Variants in SGSM1 observed in about 807,000 individuals in gnomAD.
SGSM1 encodes RUN and TBC1 domain containing 2.
Under a neutral mutation model 133.8 loss-of-function variants are expected in SGSM1, and 73 were observed. The observed-to-expected ratio is 0.55, with a 90% CI of 0.45 to 0.66. SGSM1 has a LOEUF of 0.66. Ranked by LOEUF, SGSM1 falls within the 30% of genes least tolerant of loss-of-function variation. The pLI, the probability that SGSM1 is intolerant of heterozygous loss-of-function variation, is 0.00. For synonymous variants in SGSM1, 563 were observed against 573.0 expected, an observed-to-expected ratio of 0.98 and a Z score of 0.25; for missense variants, 1,213 against 1,448.1, an observed-to-expected ratio of 0.84 and a Z score of 2.64.
chr22:24,925,957 A>T lies in SGSM1; in HGVS notation c.*1683A>T, dbSNP rs1231858900. 6.6e-6 allele frequency: 1 copy of T among 152,192 alleles called. No homozygotes were observed. Among genetic ancestry groups the T allele is most frequent in the Non-Finnish European group, 1.5e-5 (1 of 68,080 alleles). 9.4% of individuals were successfully genotyped at this position (152,192 alleles called of 1,614,324 possible). A position where few individuals can be genotyped will look rare whatever the true frequency, so the allele number is the denominator to read the frequency against. ...GTCTTTCCCGCTCTTCTGTTCTGAG[A>T]ATGCACCCGGAATGGGGGAAACCCA... On this transcript the variant is annotated 3_prime_UTR_variant, in exon 25 of 25. Transcript: ENST00000400358.
In SGSM1 at chr22:24,868,902, C is replaced by T. The variant is rs192088825; in HGVS notation, c.1291+47C>T. 499 of 1,595,690 alleles carry T rather than the reference C, an allele frequency of 3.1e-4. 1 individual carries two copies. Among genetic ancestry groups the T allele is most frequent in the Middle Eastern group, 1.7e-3 (8 of 4,840 alleles). Reference sequence around the variant, plus strand: ...CCCGGGGAGTCACCTGCTAACTGATCCTGAAAATGACTCCAGGTGTTTGAA... The same window carrying T: ...CCCGGGGAGTCACCTGCTAACTGATTCTGAAAATGACTCCAGGTGTTTGAA... On this transcript the variant is annotated intron_variant, in intron 12 of 24. Transcript: ENST00000400358.
chr22:24,847,666 C>T lies in SGSM1; in HGVS notation c.172C>T (p.Arg58Trp), dbSNP rs752783707. 1.2e-5 allele frequency: 19 copies of T among 1,613,586 alleles called. No homozygotes were observed. The highest frequency in any genetic ancestry group is 2.2e-5 in the East Asian group (1 of 44,892). ...GGAGGCCTGCGTTCTGCACGGGCTTCGGCGGCGGGCGGCTGGCTTCCTACG... is the reference window on the plus strand; with the variant it reads ...GGAGGCCTGCGTTCTGCACGGGCTTTGGCGGCGGGCGGCTGGCTTCCTACG... Reference protein sequence around the residue: ...AVEACVLHGLRRRAAGFLRSN... With the variant: ...AVEACVLHGLWRRAAGFLRSN... The change falls in exon 4 of 25, where the codon CGG (arginine) becomes TGG (tryptophan). Residue 58 changes from arginine (R) to tryptophan (W), a missense_variant. Coordinates refer to ENST00000400358, the MANE Select transcript of SGSM1 (RefSeq NM_001098497.3).
chr22:24,831,486 G>A (rs1929117727), intron 2 of SGSM1, among the ~76,000 whole-genome samples: 1 of 152,170 alleles, frequency 6.6e-6, no homozygotes, highest in South Asian at 2.1e-4. Flanking sequence ...GTCCCCCATG[G>A]GGCTGACAGC....
At chr22:24,878,912 C>T (rs977806666) in intron 13 of SGSM1, among the ~76,000 whole-genome samples, 2 of 152,226 alleles carry the variant, frequency 1.3e-5, no homozygotes, top group African/African-American at 4.8e-5. Context: ...CTTAGAGGCA[C>T]AGTGGCTTCA....
chr22:24,841,190 C>A (rs1292934945), intron 2 of SGSM1, among the ~76,000 whole-genome samples: 2 of 152,184 alleles, frequency 1.3e-5, no homozygotes, highest in African/African-American at 4.8e-5. Context: ...TTTCTAATTT[C>A]CCTTGAGATT....
chr22:24,851,124 A>G (rs1430229959), intron 5 of SGSM1, among the ~76,000 whole-genome samples: 2 of 151,726 alleles, frequency 1.3e-5, no homozygotes, highest in African/African-American at 2.4e-5. Context: ...AAAAAAGAAA[A>G]AAAGAAAATG....
At chr22:24,907,228 C>G (rs551595099) in intron 21 of SGSM1, among the ~76,000 whole-genome samples, 2 of 151,366 alleles carry the variant, frequency 1.3e-5, no homozygotes, top group East Asian at 3.9e-4. Context: ...CCATTACACT[C>G]CAGCCTGGGT....
Position 24,895,141 on chromosome 22 carries a change from T to C in SGSM1, c.1954-82T>C. 2.2e-6 allele frequency: 3 copies of C among 1,392,394 alleles called. No homozygotes were observed. In the South Asian group the frequency reaches 3.7e-5, roughly 17 times the overall value. 86.3% of individuals were successfully genotyped at this position (1,392,394 alleles called of 1,614,324 possible). On this transcript the variant is annotated intron_variant, in intron 17 of 24. Coordinates refer to ENST00000400358, the MANE Select transcript of SGSM1 (RefSeq NM_001098497.3). ...GGAATAGAGATGCAACTAGACTTTCTGGCTCCCAGCCCAGCAGTCCTTCCT... is the reference window on the plus strand; with the variant it reads ...GGAATAGAGATGCAACTAGACTTTCCGGCTCCCAGCCCAGCAGTCCTTCCT...
At chr22:24,822,743 A>G (rs1174906789) in intron 2 of SGSM1, among the ~76,000 whole-genome samples, 1 of 152,172 alleles carries the variant, frequency 6.6e-6, no homozygotes. Context: ...CAGAGGGCTA[A>G]GGGAGCAGGT....
At chr22:24,822,243 A>C (rs939178415) in intron 2 of SGSM1, among the ~76,000 whole-genome samples, 2 of 151,778 alleles carry the variant, frequency 1.3e-5, no homozygotes, top group African/African-American at 4.8e-5. Context: ...GGTGCCCGCC[A>C]CCACGCCCGG....
intron 24 of SGSM1, among the ~76,000 whole-genome samples, chr22:24,923,922 G>A (rs781767618): frequency 3.3e-5 from 5 of 152,000 alleles, no homozygotes; most frequent in Admixed American, 6.6e-5. Flanking sequence ...ATGCCCGGCC[G>A]ACCTCACCTT....
chr22:24,859,156 A>T lies in SGSM1; in HGVS notation c.802-560A>T, dbSNP rs1930978515. On this transcript the variant is annotated intron_variant, in intron 8 of 24. Transcript: ENST00000400358. ...GGGTGAATTTGATGGAGGGGTGGTG[A>T]CATCACCCTCCCCACACACCCACCT... Among the ~76,000 whole-genome samples, 7 of 152,290 alleles carry T rather than the reference A, an allele frequency of 4.6e-5. No individual in the cohort carries two copies. In the South Asian group the frequency reaches 1.5e-3, roughly 32 times the overall value.
In SGSM1 at chr22:24,837,048, G is replaced by A. The variant is rs1053111517; in HGVS notation, c.64-7849G>A. Among the ~76,000 whole-genome samples the A allele has an allele frequency of 3.9e-5, 6 of 152,270 alleles. No individual in the cohort carries two copies. The East Asian group carries it at 5.8e-4, about 15-fold the overall frequency. The stretch of plus-strand genomic sequence containing the variant: ...GGTCGGTGGGTCTCTCCCTGTGTGC[G>A]GCAACAAGAGAGTGTAGAAATAAAG... On this transcript the variant is annotated intron_variant, in intron 2 of 24. Coordinates refer to ENST00000400358, the MANE Select transcript of SGSM1 (RefSeq NM_001098497.3).
In SGSM1 at chr22:24,879,514, G is replaced by T; in HGVS notation, c.1483G>T (p.Ala495Ser). Reference protein sequence around the residue: ...DNMKYQILSRAFYGWLAYCRH... With the variant: ...DNMKYQILSRSFYGWLAYCRH... ...TATGAAGTACCAGATCCTCTCCAGAGCCTTCTATGGATGTACGTATAGGGC... is the reference window on the plus strand; with the variant it reads ...TATGAAGTACCAGATCCTCTCCAGATCCTTCTATGGATGTACGTATAGGGC... The change falls in exon 14 of 25, where the codon GCC becomes TCC. Residue 495 changes from alanine to serine, a missense_variant. Coordinates refer to ENST00000400358, the MANE Select transcript of SGSM1 (RefSeq NM_001098497.3). 6.2e-7 allele frequency: 1 copy of T among 1,613,606 alleles called. No homozygotes were observed. The highest frequency in any genetic ancestry group is 1.7e-5 in the Admixed American group (1 of 59,988).
At chr22:24,876,554 G>T (rs367723925) in intron 12 of SGSM1, 23 bp from the exon 13 acceptor site, 75 of 1,613,506 alleles carry the variant, frequency 4.6e-5, no homozygotes, top group Non-Finnish European at 6.3e-5. Context: ...TGATTCTTCT[G>T]CCCCTCCTTC....
intron 22 of SGSM1, among the ~76,000 whole-genome samples, chr22:24,913,156 G>A (rs1016459870): frequency 4.6e-5 from 7 of 151,990 alleles, no homozygotes; most frequent in African/African-American, 1.7e-4. Flanking sequence ...AGCAGGGCAT[G>A]GAGGCAGGTG....
chr22:24,832,971 T>C (rs1929203470), intron 2 of SGSM1, among the ~76,000 whole-genome samples: 2 of 151,894 alleles, frequency 1.3e-5, no homozygotes, highest in Non-Finnish European at 2.9e-5. Context: ...GTTTCATTCT[T>C]GTTGCCCAGG....
intron 16 of SGSM1, among the ~76,000 whole-genome samples, chr22:24,889,119 G>A (rs141342555): frequency 0.16 from 24,158 of 151,076 alleles, 2,185 homozygotes; most frequent in South Asian, 0.31. Context: ...CCGACACCAC[G>A]CCAAGCTACT....
At chr22:24,877,764 G>A (rs1020930052) in intron 13 of SGSM1, among the ~76,000 whole-genome samples, 36 of 136,676 alleles carry the variant, frequency 2.6e-4, no homozygotes, top group African/African-American at 9.3e-4. Flanking sequence ...ATACTTTAAA[G>A]TTTGAGAAGT....
Sources: allele counts gnomAD v4.1 joint callset (sites outside exome capture counted in the v4.1 genomes callset), GRCh38; gene constraint gnomAD v4.1.1; transcripts MANE v1.5; gene names NCBI Gene and HGNC (gene_info 2026-07-23, HGNC 2026-07-21).